The following GDI2 variants were observed in gnomAD, a reference collection of about 807,000 sequenced individuals.
GDI2 encodes rab GDP dissociation inhibitor beta.
A neutral mutation model predicts 54.2 loss-of-function variants in GDI2; 22 were observed. That is an observed-to-expected ratio of 0.41 (90% CI 0.29 to 0.58). The LOEUF (loss-of-function observed/expected upper bound fraction) is 0.58, where lower values mean the gene tolerates loss of function less well. GDI2 is among the 20% of genes least tolerant of loss of function. The pLI, the probability that GDI2 is intolerant of heterozygous loss-of-function variation, is 0.35. For missense variants in GDI2, 422 were observed against 546.0 expected, an observed-to-expected ratio of 0.77 and a Z score of 2.26; for synonymous variants, 177 against 182.1, an observed-to-expected ratio of 0.97 and a Z score of 0.23.
chr10:5,804,983 G>A (rs1026977466), intron 1 of GDI2, among the ~76,000 whole-genome samples: 5 of 152,024 alleles, frequency 3.3e-5, no homozygotes, highest in South Asian at 2.1e-4. Context: ...ACAGGTGTGC[G>A]CCACCACGCC....
At chr10:5,790,842 T>C (rs774652092) in intron 4 of GDI2, among the ~76,000 whole-genome samples, 1 of 152,150 alleles carries the variant, frequency 6.6e-6, no homozygotes, top group Non-Finnish European at 1.5e-5. Context: ...TGTTGGTATT[T>C]TGACCTCCTC....
intron 6 of GDI2, among the ~76,000 whole-genome samples, chr10:5,779,270 G>C (rs1227800831): frequency 6.6e-6 from 1 of 152,088 alleles, no homozygotes; most frequent in African/African-American, 2.4e-5. Flanking sequence ...CAGCAGTTTG[G>C]GAGGCTGAGG....
At chr10:5,795,973 A>G (rs1355069860) in intron 3 of GDI2, among the ~76,000 whole-genome samples, 1 of 152,086 alleles carries the variant, frequency 6.6e-6, no homozygotes, top group Non-Finnish European at 1.5e-5. Flanking sequence ...AACAAGGAAA[A>G]AGGATAGCAG....
At chr10:5,789,389 A>G (rs1045481668) in intron 4 of GDI2, among the ~76,000 whole-genome samples, 1 of 152,034 alleles carries the variant, frequency 6.6e-6, no homozygotes, top group Non-Finnish European at 1.5e-5. Context: ...CATGAGCCAC[A>G]GTAGCCGGCC....
At chr10:5,790,409 C>G (rs761014957) in intron 4 of GDI2, among the ~76,000 whole-genome samples, 1 of 151,034 alleles carries the variant, frequency 6.6e-6, no homozygotes, top group Non-Finnish European at 1.5e-5. Flanking sequence ...GTTGGGAGAA[C>G]GAGGCAGGTG....
chr10:5,794,188 A>AT (rs1554789557), intron 4 of GDI2, among the ~76,000 whole-genome samples: 30 of 40,332 alleles, frequency 7.4e-4, no homozygotes, highest in African/African-American at 2.1e-3. Flanking sequence ...AAAAAAAAAA[A>AT]ATATATATAT....
At chr10:5,807,715 G>A (rs994750009) in intron 1 of GDI2, among the ~76,000 whole-genome samples, 1 of 149,450 alleles carries the variant, frequency 6.7e-6, no homozygotes, top group Non-Finnish European at 1.5e-5. Context: ...TAGATATGTG[G>A]ATGTGGGGCT....
intron 4 of GDI2, among the ~76,000 whole-genome samples, chr10:5,787,127 A>C (rs763320288): frequency 4.6e-5 from 7 of 152,162 alleles, no homozygotes; most frequent in Non-Finnish European, 8.8e-5. Flanking sequence ...AAACTCTCAA[A>C]TGTTTCTATT....
intron 3 of GDI2, 28 bp downstream of exon 3, chr10:5,796,735 T>C (rs1218776389): frequency 5.9e-6 from 6 of 1,018,432 alleles, no homozygotes; most frequent in Admixed American, 1.7e-5. Context: ...CAAAGTACTG[T>C]CATAAATTTA....
chr10:5,772,342 A>G (rs1459535486), intron 7 of GDI2, among the ~76,000 whole-genome samples: 2 of 152,218 alleles, frequency 1.3e-5, no homozygotes, highest in Non-Finnish European at 2.9e-5. Flanking sequence ...ACAAAATATG[A>G]CTTCTTTTGT....
At chr10:5,797,259 A>G (rs575455489) in intron 2 of GDI2, among the ~76,000 whole-genome samples, 59 of 152,212 alleles carry the variant, frequency 3.9e-4, no homozygotes, top group African/African-American at 1.3e-3. Context: ...AAAAATACAA[A>G]AATTGGCCAA....
chr10:5,782,688 C>T (rs902608213), intron 6 of GDI2, among the ~76,000 whole-genome samples: 6 of 152,222 alleles, frequency 3.9e-5, no homozygotes, highest in Non-Finnish European at 8.8e-5. Context: ...AATCCCAGCA[C>T]ATTGGGAGGC....
At chr10:5,786,210 G>A (rs539560058) in intron 4 of GDI2, among the ~76,000 whole-genome samples, 160 bp from the exon 5 acceptor site, 48 of 119,888 alleles carry the variant, frequency 4.0e-4, no homozygotes, top group African/African-American at 6.2e-4. Context: ...TTGCTCTGTC[G>A]CCTAGACTGG....
chr10:5,795,619 A>G (rs1364512792), intron 3 of GDI2, among the ~76,000 whole-genome samples: 3 of 152,056 alleles, frequency 2.0e-5, no homozygotes, highest in Admixed American at 1.3e-4. Context: ...TTTATTAGAG[A>G]TATGAGGTTT....
At chr10:5,797,188 A>G (rs1387977435) in intron 2 of GDI2, among the ~76,000 whole-genome samples, 1 of 152,140 alleles carries the variant, frequency 6.6e-6, no homozygotes, top group East Asian at 1.9e-4. Flanking sequence ...AGGCGGGTGG[A>G]TCCCTTGAGG....
chr10:5,804,572 C>A (rs1330487483), intron 1 of GDI2, among the ~76,000 whole-genome samples: 1 of 152,144 alleles, frequency 6.6e-6, no homozygotes, highest in Non-Finnish European at 1.5e-5. Flanking sequence ...TAACTTTCTG[C>A]GTCTGACATT....
At chr10:5,813,070 G>A (rs966685301) in intron 1 of GDI2, 144 bp downstream of exon 1, 2 of 508,930 alleles carry the variant, frequency 3.9e-6, no homozygotes, top group Non-Finnish European at 6.8e-6. Flanking sequence ...ACCCGCCCGC[G>A]CCCCTAGCCA....
chr10:5,769,396 A>G (rs1252903664), intron 7 of GDI2: 3 of 151,542 alleles, frequency 2.0e-5, no homozygotes, highest in African/African-American at 7.3e-5. Flanking sequence ...ACATGGAGAT[A>G]CCTCGTCTCT....
intron 4 of GDI2, among the ~76,000 whole-genome samples, chr10:5,791,924 T>C (rs1411976192): frequency 2.6e-5 from 4 of 151,952 alleles, no homozygotes; most frequent in Non-Finnish European, 5.9e-5. Flanking sequence ...CTGTTTACAC[T>C]GAATGAGCAG....
Sources: allele counts gnomAD v4.1 joint callset (sites outside exome capture counted in the v4.1 genomes callset), GRCh38; gene constraint gnomAD v4.1.1; transcripts MANE v1.5; gene names NCBI Gene and HGNC (gene_info 2026-07-23, HGNC 2026-07-21).